Variants in ERG observed in about 807,000 individuals in gnomAD.
The protein encoded by ERG is transcriptional regulator ERG.
Under a neutral mutation model 55.3 loss-of-function variants are expected in ERG, and 9 were observed. The observed-to-expected ratio is 0.16, with a 90% CI of 0.10 to 0.28. ERG has a LOEUF of 0.28. ERG is among the 10% of genes least tolerant of loss of function. The probability of loss-of-function intolerance (pLI) is 1.00; values close to 1 mark genes in which losing one functional copy is unlikely to be tolerated. For missense variants in ERG, 434 were observed against 631.6 expected, an observed-to-expected ratio of 0.69 and a Z score of 3.35; for synonymous variants, 223 against 237.3, an observed-to-expected ratio of 0.94 and a Z score of 0.55.
At chr21:38,448,162 C>T (rs2058909382) in intron 1 of ERG, among the ~76,000 whole-genome samples, 1 of 152,160 alleles carries the variant, frequency 6.6e-6, no homozygotes, top group Admixed American at 6.5e-5. Context: ...TCCATTCTCA[C>T]ATCTGGCAAA....
At position 38,652,180 on chromosome 21, in the gene ERG, C is replaced by A. The variant is rs73902708; in HGVS notation, c.-150+9478G>T. On this transcript the variant is annotated intron_variant, in intron 1 of 10. Coordinates refer to the ERG transcript ENST00000398910. Reference sequence around the variant, plus strand: ...CACTGTGTGACCCACTCCCAGGTAACACTTCCACCCTCCAAACACACCAGC... The same window carrying A: ...CACTGTGTGACCCACTCCCAGGTAAAACTTCCACCCTCCAAACACACCAGC... Among the ~76,000 whole-genome samples, 708 of 152,286 alleles carry A rather than the reference C, an allele frequency of 4.6e-3. 6 individuals are homozygous for A. Among genetic ancestry groups the A allele is most frequent in the African/African-American group, 0.016 (669 of 41,552 alleles).
At chr21:38,385,502 C>T (rs1379467156) in intron 9 of ERG, among the ~76,000 whole-genome samples, 1 of 152,342 alleles carries the variant, frequency 6.6e-6, no homozygotes, top group East Asian at 1.9e-4. Flanking sequence ...TATCACCCAA[C>T]TTATAAACTC....
At chr21:38,617,948 C>T (rs2060268115) in intron 1 of ERG, among the ~76,000 whole-genome samples, 1 of 152,148 alleles carries the variant, frequency 6.6e-6, no homozygotes, top group Non-Finnish European at 1.5e-5. Flanking sequence ...AAGGAAGAGA[C>T]CACAGGCAGG....
upstream of ERG, among the ~76,000 whole-genome samples, chr21:38,587,473 C>A (rs1349201450): frequency 2.0e-5 from 3 of 151,982 alleles, no homozygotes; most frequent in Non-Finnish European, 4.4e-5. Context: ...ATTCTCCTGC[C>A]TCAGCCTCCC....
intron 1 of ERG, among the ~76,000 whole-genome samples, chr21:38,451,483 T>C (rs1327946470): frequency 2.0e-5 from 3 of 152,172 alleles, no homozygotes; most frequent in African/African-American, 7.2e-5. Flanking sequence ...CTAGGACAGG[T>C]AGGAGTACCA....
At chr21:38,552,451 C>T (rs889265181) in intron 2 of ERG, among the ~76,000 whole-genome samples, 4 of 152,012 alleles carry the variant, frequency 2.6e-5, no homozygotes, top group African/African-American at 9.7e-5. Flanking sequence ...ACCAGTAAAC[C>T]AAATCCAGTA....
At chr21:38,533,682 G>A (rs2059688237) in intron 2 of ERG, among the ~76,000 whole-genome samples, 1 of 152,136 alleles carries the variant, frequency 6.6e-6, no homozygotes, top group Non-Finnish European at 1.5e-5. Context: ...TCATTTGAGT[G>A]TACATTGCAA....
In ERG at chr21:38,383,431, A is replaced by G; in HGVS notation, c.1412T>C (p.Met471Thr). 1 of 1,514,470 alleles carries G rather than the reference A, an allele frequency of 6.6e-7. No individual in the cohort carries two copies. Among genetic ancestry groups the G allele is most frequent in the Non-Finnish European group, 8.8e-7 (1 of 1,131,482 alleles). 93.8% of individuals were successfully genotyped at this position (1,514,470 alleles called of 1,614,324 possible). A position where few individuals can be genotyped will look rare whatever the true frequency, so the allele number is the denominator to read the frequency against. Residue 471 changes from methionine to threonine, a missense_variant, in exon 10 of 10, where the codon ATG (methionine) becomes ACG (threonine). Physicochemically the swap from Met to Thr is moderately conservative, Grantham distance 81. Coordinates refer to ENST00000288319, the MANE Select transcript of ERG (RefSeq NM_182918.4). The surrounding 1 kb of genome is among the most constrained non-coding windows in gnomAD (Gnocchi z 5.7). ...YPNTRLPTSH[M>T]PSHLGTYY ...GTAGTAAGTGCCCAGATGAGAAGGC[A>G]TATGGCTGGTGGGGAGCCTAGTGTT...
chr21:38,588,879 C>A (rs1003346759), upstream of ERG, among the ~76,000 whole-genome samples: 8 of 141,382 alleles, frequency 5.7e-5, no homozygotes, highest in Non-Finnish European at 1.1e-4. Context: ...TCATGCACCA[C>A]CATGCCTGGC....
chr21:38,451,363 C>T (rs564244153), intron 1 of ERG: 17 of 394,542 alleles, frequency 4.3e-5, no homozygotes, highest in Non-Finnish European at 7.5e-5. Context: ...CAACCTTGTT[C>T]TTTTCTTTGA....
intron 2 of ERG, among the ~76,000 whole-genome samples, chr21:38,432,572 G>T (rs892016312): frequency 6.6e-6 from 1 of 152,150 alleles, no homozygotes; most frequent in South Asian, 2.1e-4. Flanking sequence ...CTCTTTCCAC[G>T]TGTTTATGTT....
chr21:38,450,570 A>G (rs2058932133), intron 1 of ERG, among the ~76,000 whole-genome samples: 1 of 152,110 alleles, frequency 6.6e-6, no homozygotes. Context: ...CCTCACATAT[A>G]ACCACGCAGA....
At chr21:38,446,512 T>C (rs1168016333) in intron 1 of ERG, among the ~76,000 whole-genome samples, 2 of 152,186 alleles carry the variant, frequency 1.3e-5, no homozygotes, top group Non-Finnish European at 2.9e-5. Context: ...ACTTAAATGA[T>C]GGCTTGTGCT....
At chr21:38,385,358 T>C (rs1010425063) in intron 9 of ERG, among the ~76,000 whole-genome samples, 6 of 152,226 alleles carry the variant, frequency 3.9e-5, no homozygotes, top group African/African-American at 1.4e-4. Flanking sequence ...CCTTTTATTA[T>C]AGTGTAAGTA....
At chr21:38,373,029 C>T in the ERG span, among the ~76,000 whole-genome samples, 1 of 152,114 alleles carries the variant, frequency 6.6e-6, no homozygotes, top group Non-Finnish European at 1.5e-5. Flanking sequence ...CAAAAGTCTT[C>T]TGGTCCTCAG....
At chr21:38,443,905 G>A (rs551949379) in intron 2 of ERG, among the ~76,000 whole-genome samples, 19 of 152,276 alleles carry the variant, frequency 1.2e-4, no homozygotes, top group South Asian at 2.1e-4. Flanking sequence ...GGCCTGCCTC[G>A]AGTTCCACTT....
Position 38,445,917 on chromosome 21 carries a change from G to A in ERG, c.19-296C>T, listed in dbSNP as rs1001792297. Among the ~76,000 whole-genome samples, 4 of 151,798 alleles carry A rather than the reference G, an allele frequency of 2.6e-5. No homozygotes were observed. In the East Asian group the frequency reaches 7.8e-4, roughly 29 times the overall value. ...CAACTTAAGGAAGTTGAATTTCAAA[G>A]GTCTTAGAAGACATCCAATTGCATG... On this transcript the variant is annotated intron_variant, in intron 1 of 9. Transcript: ENST00000288319.
At chr21:38,392,959 TA>T (rs1347651644) in intron 6 of ERG, among the ~76,000 whole-genome samples, 1 of 152,230 alleles carries the variant, frequency 6.6e-6, no homozygotes, top group Non-Finnish European at 1.5e-5. Flanking sequence ...CTGCCTCTCT[TA>T]GCCAACTCCC....
intron 2 of ERG, among the ~76,000 whole-genome samples, chr21:38,569,171 C>T (rs1049904505): frequency 3.3e-5 from 5 of 151,576 alleles, no homozygotes; most frequent in African/African-American, 9.7e-5. Flanking sequence ...TCTCTCCCTC[C>T]CCCCCCACCC....
Sources: allele counts gnomAD v4.1 joint callset (sites outside exome capture counted in the v4.1 genomes callset), GRCh38; gene constraint gnomAD v4.1.1; non-coding constraint Gnocchi (gnomAD v3.1); transcripts MANE v1.5; gene names NCBI Gene and HGNC (gene_info 2026-07-23, HGNC 2026-07-21).